SPG7: variants seen among roughly 807,000 people sequenced by gnomAD.
SPG7 encodes mitochondrial inner membrane m-AAA protease component paraplegin.
Under a neutral mutation model 81.9 loss-of-function variants are expected in SPG7, and 103 were observed. The observed-to-expected ratio is 1.26, with a 90% CI of 1.07 to 1.48. The LOEUF (loss-of-function observed/expected upper bound fraction) is 1.48, where lower values mean the gene tolerates loss of function less well. Among genes scored for constraint, SPG7 ranks in the 40% most tolerant of loss-of-function variants. SPG7 has a pLI of 0.00. For missense variants in SPG7, 1,241 were observed against 1,087.3 expected, an observed-to-expected ratio of 1.14 and a Z score of -1.99; for synonymous variants, 534 against 444.2, an observed-to-expected ratio of 1.20 and a Z score of -2.54.
At chr16:89,555,961 G>A (rs2058684250) in intron 16 of SPG7, 4 of 398,856 alleles carry the variant, frequency 1.0e-5, no homozygotes, top group Admixed American at 8.8e-5. Context: ...CTGGGCAGGT[G>A]TGGGCGGTGC....
intron 3 of SPG7, among the ~76,000 whole-genome samples, chr16:89,514,928 C>G (rs2058074669): frequency 6.9e-6 from 1 of 145,852 alleles, no homozygotes; most frequent in Admixed American, 7.0e-5. Context: ...CCGTGCCTGG[C>G]CTTGACCTTT....
At chr16:89,540,760 C>T in intron 9 of SPG7, 1 of 355,726 alleles carries the variant, frequency 2.8e-6, no homozygotes, top group Non-Finnish European at 3.9e-6. Flanking sequence ...ACCCCGTGTC[C>T]ACATGCGCTC....
chr16:89,511,912 G>GTTTAA (rs141328593), intron 2 of SPG7, among the ~76,000 whole-genome samples: 65,985 of 150,982 alleles, frequency 0.44, 14,710 homozygotes, highest in East Asian at 0.67. Context: ...TGTTGTTGTT[G>GTTTAA]TTTATTATTA....
chr16:89,517,782 G>C (rs927261558), intron 3 of SPG7: 5 of 152,096 alleles, frequency 3.3e-5, no homozygotes, highest in African/African-American at 1.2e-4. Context: ...ACCATGCCCG[G>C]CTAATTTTTT....
intron 2 of SPG7, among the ~76,000 whole-genome samples, chr16:89,511,901 T>C (rs145521523): frequency 1.8e-3 from 230 of 125,676 alleles, no homozygotes; most frequent in South Asian, 4.5e-3. Flanking sequence ...TGTGTTGTTG[T>C]TGTTGTTGTT....
chr16:89,543,072 G>A (rs374210950), intron 9 of SPG7: 2 of 150,562 alleles, frequency 1.3e-5, no homozygotes, highest in African/African-American at 4.9e-5. Context: ...TTCAGCCTCC[G>A]GAGTAGCTGG....
intron 12 of SPG7, chr16:89,548,891 A>C (rs1297272914): frequency 4.4e-6 from 2 of 451,234 alleles, no homozygotes; most frequent in East Asian, 7.0e-5. Flanking sequence ...TTTGAGGAGC[A>C]CGAGCCTCCT....
intron 12 of SPG7, chr16:89,549,290 A>G (rs2058605449): frequency 2.2e-6 from 1 of 453,172 alleles, no homozygotes; most frequent in Non-Finnish European, 4.4e-6. Flanking sequence ...CAGAATGGAC[A>G]CTTACAGATG....
At chr16:89,523,927 T>C (rs1489246140) in intron 3 of SPG7, 79 bp from the exon 4 acceptor site, 1 of 1,584,864 alleles carries the variant, frequency 6.3e-7, no homozygotes, top group Non-Finnish European at 8.6e-7. Context: ...CAGCTGAGCT[T>C]TCCTGAGGAA....
intron 5 of SPG7, 98 bp downstream of exon 5, chr16:89,526,566 T>A: frequency 7.4e-7 from 1 of 1,349,738 alleles, no homozygotes; most frequent in Non-Finnish European, 1.1e-6. Flanking sequence ...TGTCTTTGCC[T>A]ATAGTTAACT....
At chr16:89,526,751 G>A in intron 5 of SPG7, 1 of 401,148 alleles carries the variant, frequency 2.5e-6, no homozygotes, top group East Asian at 5.8e-5. Context: ...CTAAGCCCCT[G>A]ATGTAGATGC....
chr16:89,554,417 CT>C (rs1226286842), intron 15 of SPG7, 68 bp from the exon 16 acceptor site: 1 of 1,095,410 alleles, frequency 9.1e-7, no homozygotes, highest in Non-Finnish European at 1.4e-6. Flanking sequence ...TCTGCCATTT[CT>C]TTTCTGTGCT....
chr16:89,531,288 C>T (rs1298778430), intron 7 of SPG7: 2 of 258,644 alleles, frequency 7.7e-6, no homozygotes, highest in African/African-American at 4.4e-5. Context: ...CCTCGGGGCG[C>T]TGAGGCAGGG....
chr16:89,547,266 C>T (rs967666483), intron 11 of SPG7: 4 of 193,664 alleles, frequency 2.1e-5, no homozygotes, highest in Admixed American at 1.6e-4. Context: ...GGGTCTTTCA[C>T]TAGAATTTTG....
At chr16:89,535,441 G>A (rs956182056) in intron 9 of SPG7, among the ~76,000 whole-genome samples, 29 of 152,194 alleles carry the variant, frequency 1.9e-4, no homozygotes, top group African/African-American at 5.5e-4. Flanking sequence ...CGACGTTTGC[G>A]GAGAATGCTT....
At chr16:89,524,301 C>G (rs918079929) in intron 4 of SPG7, 54 bp downstream of exon 4, 1 of 1,570,544 alleles carries the variant, frequency 6.4e-7, no homozygotes, top group Non-Finnish European at 8.6e-7. Context: ...AGGCTGGCAG[C>G]CTGTGAGAGT....
intron 11 of SPG7, chr16:89,547,085 C>T (rs939465670): frequency 3.9e-5 from 14 of 361,652 alleles, no homozygotes; most frequent in Non-Finnish European, 7.5e-5. Context: ...AGTCAGACCA[C>T]GCAGTCCCGG....
chr16:89,513,530 T>A (rs944005114), intron 3 of SPG7, among the ~76,000 whole-genome samples: 11 of 150,958 alleles, frequency 7.3e-5, no homozygotes, highest in South Asian at 4.2e-4. Context: ...AAAAAAAAAA[T>A]TTAAATTTAA....
At chr16:89,520,856 T>C (rs2058179109) in intron 3 of SPG7, 1 of 152,232 alleles carries the variant, frequency 6.6e-6, no homozygotes, top group South Asian at 2.1e-4. Flanking sequence ...GAATTTCTTA[T>C]GGTTCGTTTC....
Sources: gnomAD v4.1 joint callset for allele counts (sites outside exome capture counted in the v4.1 genomes callset) on GRCh38, gnomAD v4.1.1 for gene constraint, MANE v1.5 for transcripts, NCBI Gene and HGNC (gene_info 2026-07-23, HGNC 2026-07-21) for gene names.